The following DIP2B variants were observed in gnomAD, a reference collection of about 807,000 sequenced individuals.
The protein encoded by DIP2B is disco-interacting protein 2 homolog B.
In DIP2B, 76 loss-of-function variants were observed where a neutral mutation model predicts 198.0. The ratio of observed to expected loss-of-function variants is 0.38; its 90% CI spans 0.32 to 0.46. The LOEUF is 0.46. Ranked by LOEUF, DIP2B falls within the 20% of genes least tolerant of loss-of-function variation. DIP2B has a pLI of 0.99. For missense variants in DIP2B, 1,559 were observed against 1,978.4 expected, an observed-to-expected ratio of 0.79 and a Z score of 4.02; for synonymous variants, 701 against 739.1, an observed-to-expected ratio of 0.95 and a Z score of 0.84.
At position 50,699,162 on chromosome 12, in the gene DIP2B, T is replaced by G. The variant is rs1405547186; in HGVS notation, c.2285T>G (p.Met762Arg). Residue 762 changes from methionine (M) to arginine (R), a missense_variant, in exon 19 of 38, where the codon ATG (methionine) becomes AGG (arginine). Transcript: ENST00000301180. ...GTTAGCTCCAGAACTGGAGGCATGA[T>G]GTACTTTGGGCTTGCTGGTGTGACA... ...ICVSSRTGGMMYFGLAGVTKN... is the reference protein window; with the variant it reads ...ICVSSRTGGMRYFGLAGVTKN... 1.9e-6 allele frequency: 3 copies of G among 1,614,214 alleles called. No homozygotes were observed. The highest frequency in any genetic ancestry group is 8.5e-7 in the Non-Finnish European group (1 of 1,180,030).
chr12:50,612,914 T>C (rs1052607787), intron 1 of DIP2B, among the ~76,000 whole-genome samples: 2 of 152,194 alleles, frequency 1.3e-5, no homozygotes, highest in African/African-American at 4.8e-5. Flanking sequence ...AACCATCATC[T>C]TTCTCCCAGG....
In DIP2B at chr12:50,562,760, CT is replaced by C. The variant is rs1306843795; in HGVS notation, c.100+57526del. Among the ~76,000 whole-genome samples the C allele has an allele frequency of 5.9e-5, 9 of 151,574 alleles. No individual in the cohort carries two copies. The East Asian group carries it at 1.2e-3, about 20-fold the overall frequency. ...AGAAAAAAAAAAAAAAATTCTCAGG[CT>C]TTTTTATGGTCAGACTAAATTATCA... is the stretch of plus-strand genomic sequence containing the variant. On this transcript the variant is annotated intron_variant, in intron 1 of 37. Coordinates refer to ENST00000301180, the MANE Select transcript of DIP2B (RefSeq NM_173602.3).
At position 50,737,780 on chromosome 12, in the gene DIP2B, G is replaced by A. The variant is rs149508707; in HGVS notation, c.4176+670G>A. ...TTTTTGTATTTTTAGTAGAGATAGG[G>A]TTTTACTATGTTGCCCAGGCTGGTC... On this transcript the variant is annotated intron_variant, in intron 35 of 37. Coordinates refer to ENST00000301180, the MANE Select transcript of DIP2B (RefSeq NM_173602.3). 5.4e-3 allele frequency among the ~76,000 whole-genome samples: 816 copies of A among 152,098 alleles called. 32 individuals carry two copies. The East Asian group carries it at 0.1, about 19-fold the overall frequency.
At position 50,573,061 on chromosome 12, in the gene DIP2B, G is replaced by A. The variant is rs1412911142; in HGVS notation, c.101-52915G>A. 7.9e-5 allele frequency among the ~76,000 whole-genome samples: 12 copies of A among 152,382 alleles called. No homozygotes were observed. In the South Asian group the frequency reaches 1.0e-3, roughly 13 times the overall value. On this transcript the variant is annotated intron_variant, in intron 1 of 37. Transcript: ENST00000301180. ...GTGAGCTCTAAGAAATAAAGCCGCA[G>A]AGGGTGTTCTGTGTTTCCATTCCAG...
intron 1 of DIP2B, among the ~76,000 whole-genome samples, chr12:50,544,431 C>T (rs1257336839): frequency 6.6e-6 from 1 of 151,984 alleles, no homozygotes; most frequent in African/African-American, 2.4e-5. Flanking sequence ...GTCAGCCACC[C>T]AAATAGCTGG....
intron 1 of DIP2B, among the ~76,000 whole-genome samples, chr12:50,609,432 A>G (rs186653835): frequency 9.8e-5 from 15 of 152,368 alleles, no homozygotes; most frequent in African/African-American, 3.6e-4. Flanking sequence ...CAACTAGTAC[A>G]GCAACTCTGC....
chr12:50,515,981 A>T (rs1958059911), intron 1 of DIP2B, among the ~76,000 whole-genome samples: 1 of 152,166 alleles, frequency 6.6e-6, no homozygotes, highest in African/African-American at 2.4e-5. Flanking sequence ...GGTAAATTAT[A>T]AATGATAGAA....
chr12:50,518,808 G>T (rs1460587607), intron 1 of DIP2B, among the ~76,000 whole-genome samples: 2 of 152,138 alleles, frequency 1.3e-5, no homozygotes, highest in African/African-American at 4.8e-5. Flanking sequence ...AAGCTAGAGT[G>T]CTGTGGCATG....
At chr12:50,711,142 T>A (rs1423001370) in intron 22 of DIP2B, among the ~76,000 whole-genome samples, 3 of 152,200 alleles carry the variant, frequency 2.0e-5, no homozygotes, top group Admixed American at 2.0e-4. Context: ...CTTGTGAAAG[T>A]CACTTGGGTT....
chr12:50,723,229 G>A lies in DIP2B; in HGVS notation c.3194G>A (p.Gly1065Asp). 6.2e-7 allele frequency: 1 copy of A among 1,614,046 alleles called. No individual in the cohort carries two copies. The highest frequency in any genetic ancestry group is 8.5e-7 in the Non-Finnish European group (1 of 1,180,014). ...ATTGAGTTAATCGCCGCCTTCTATG[G>A]CTGCCTGTATGCGGGCTGTATACCT... ...PGIELIAAFY[G>D]CLYAGCIPVT... Residue 1065 changes from glycine (G) to aspartate (D), a missense_variant, in exon 27 of 38, where the codon GGC (glycine) becomes GAC (aspartate). Transcript: ENST00000301180.
intron 27 of DIP2B, among the ~76,000 whole-genome samples, chr12:50,724,417 C>T (rs541915673): frequency 9.2e-5 from 14 of 152,076 alleles, no homozygotes; most frequent in African/African-American, 2.7e-4. Flanking sequence ...CATGGTTATC[C>T]GATTCTTCTC....
intron 1 of DIP2B, among the ~76,000 whole-genome samples, chr12:50,581,548 G>C (rs1489907947): frequency 6.7e-6 from 1 of 149,304 alleles, no homozygotes; most frequent in Non-Finnish European, 1.5e-5. Flanking sequence ...ATTGCTAGTA[G>C]AATAAAATAC....
chr12:50,695,937 A>T lies in DIP2B; in HGVS notation c.1903A>T (p.Met635Leu), dbSNP rs1442543614. 1 of 1,614,080 alleles carries T rather than the reference A, an allele frequency of 6.2e-7. No homozygotes were observed. The highest frequency in any genetic ancestry group is 8.5e-7 in the Non-Finnish European group (1 of 1,179,942). The change falls in exon 16 of 38, where the codon ATG becomes TTG. Residue 635 changes from methionine to leucine, a missense_variant. By Grantham distance (15) the Met-to-Leu change is conservative (BLOSUM62 2). Coordinates refer to ENST00000301180, the MANE Select transcript of DIP2B (RefSeq NM_173602.3). ...AGACGTGAGCTTGAGTTCCCTCCGA[A>T]TGTTAATTGTGACTGATGGAGCTAA... is the stretch of plus-strand genomic sequence containing the variant. ...QRDVSLSSLR[M>L]LIVTDGANPW...
chr12:50,571,438 G>T (rs1958612761), intron 1 of DIP2B, among the ~76,000 whole-genome samples: 1 of 151,998 alleles, frequency 6.6e-6, no homozygotes, highest in South Asian at 2.1e-4. Flanking sequence ...CTCCCAAAGT[G>T]CTGGGATTAC....
At chr12:50,596,525 G>A (rs1204702077) in intron 1 of DIP2B, among the ~76,000 whole-genome samples, 1 of 152,180 alleles carries the variant, frequency 6.6e-6, no homozygotes, top group Non-Finnish European at 1.5e-5. Context: ...AGGTTGACCT[G>A]GTTTGGATGA....
At chr12:50,701,474 C>T (rs1400512542) in intron 19 of DIP2B, among the ~76,000 whole-genome samples, 8 of 152,158 alleles carry the variant, frequency 5.3e-5, no homozygotes, top group Non-Finnish European at 1.0e-4. Flanking sequence ...CTCTGCCTCC[C>T]GGGTTCAAAC....
intron 4 of DIP2B, among the ~76,000 whole-genome samples, chr12:50,668,466 A>G (rs1170614587): frequency 6.6e-6 from 1 of 152,226 alleles, no homozygotes; most frequent in Non-Finnish European, 1.5e-5. Context: ...GTTGTAAGTC[A>G]TTAAACACTG....
At chr12:50,606,642 C>T (rs935461243) in intron 1 of DIP2B, among the ~76,000 whole-genome samples, 2 of 151,998 alleles carry the variant, frequency 1.3e-5, no homozygotes, top group African/African-American at 4.8e-5. Flanking sequence ...ATATCAGGAC[C>T]CTTTGATTTG....
chr12:50,735,805 G>C (rs1281735757), intron 34 of DIP2B, among the ~76,000 whole-genome samples: 1 of 152,192 alleles, frequency 6.6e-6, no homozygotes, highest in Non-Finnish European at 1.5e-5. Flanking sequence ...AGCTAGGAGA[G>C]GCCGAGATGG....
Sources: gnomAD v4.1 joint callset for allele counts (sites outside exome capture counted in the v4.1 genomes callset) on GRCh38, gnomAD v4.1.1 for gene constraint, MANE v1.5 for transcripts, NCBI Gene and HGNC (gene_info 2026-07-23, HGNC 2026-07-21) for gene names.